Variants in AFF2 observed in about 807,000 individuals in gnomAD.
The protein encoded by AFF2 is ALF transcription elongation factor 2.
A neutral mutation model predicts 76.9 loss-of-function variants in AFF2; 14 were observed. The ratio of observed to expected loss-of-function variants is 0.18; its 90% CI spans 0.12 to 0.28. The LOEUF is 0.28. AFF2 is among the 10% of genes least tolerant of loss of function. The probability of loss-of-function intolerance (pLI) is 1.00; values close to 1 mark genes in which losing one functional copy is unlikely to be tolerated. For missense variants in AFF2, 868 were observed against 1,001.1 expected, an observed-to-expected ratio of 0.87 and a Z score of 1.79; for synonymous variants, 398 against 366.7, an observed-to-expected ratio of 1.09 and a Z score of -0.98.
chrX:148,662,845 C>T (rs1304054227), intron 3 of AFF2, 77 bp downstream of exon 3: 1 of 1,042,594 alleles, frequency 9.6e-7, no homozygotes, highest in Non-Finnish European at 1.3e-6. Flanking sequence ...CCAGTATTCA[C>T]AAGCAGCTCT....
intron 8 of AFF2, among the ~76,000 whole-genome samples, chrX:148,887,771 A>C (rs1214022187): frequency 9.0e-6 from 1 of 111,559 alleles, no homozygotes; most frequent in African/African-American, 3.3e-5. Flanking sequence ...TAGGGGCTCT[A>C]AGGTGAGGCA....
chrX:148,949,306 C>A, intron 9 of AFF2, among the ~76,000 whole-genome samples: 1 of 111,346 alleles, frequency 9.0e-6, no homozygotes, highest in Non-Finnish European at 1.9e-5. Context: ...CCCAGACTAT[C>A]TCTTAAAGCC....
At chrX:148,966,266 A>G (rs1208364435) in intron 13 of AFF2, among the ~76,000 whole-genome samples, 2 of 111,265 alleles carry the variant, frequency 1.8e-5, no homozygotes, top group Non-Finnish European at 3.8e-5. Flanking sequence ...TTAGAGTACA[A>G]TTTCCTAGTA....
intron 3 of AFF2, among the ~76,000 whole-genome samples, chrX:148,762,961 C>T (rs1327408634): frequency 8.9e-6 from 1 of 112,334 alleles, no homozygotes; most frequent in African/African-American, 3.2e-5. Flanking sequence ...CACGAGGTCA[C>T]TGATCTTACA....
At chrX:148,556,806 G>A (rs782681237) in intron 1 of AFF2, among the ~76,000 whole-genome samples, 1 of 112,059 alleles carries the variant, frequency 8.9e-6, no homozygotes, top group South Asian at 3.7e-4. Flanking sequence ...GGGCCCTTAG[G>A]GAGGCACCAT....
chrX:148,772,320 A>G (rs1490917128), intron 3 of AFF2, among the ~76,000 whole-genome samples: 3 of 112,023 alleles, frequency 2.7e-5, no homozygotes, highest in African/African-American at 9.7e-5. Flanking sequence ...TTGATTTCTC[A>G]TCCTTTATGC....
chrX:148,854,365 A>G (rs2070764049), intron 7 of AFF2, among the ~76,000 whole-genome samples: 2 of 111,554 alleles, frequency 1.8e-5, no homozygotes, highest in South Asian at 3.9e-4. Context: ...TGTTTTCTGC[A>G]TGAGATTTAA....
chrX:148,786,832 C>T (rs368119017), intron 3 of AFF2, among the ~76,000 whole-genome samples: 11 of 111,339 alleles, frequency 9.9e-5, no homozygotes, highest in African/African-American at 3.6e-4. Context: ...CAGTACAGTG[C>T]CTGGACTATA....
chrX:148,547,972 T>C (rs1236205623), intron 1 of AFF2, among the ~76,000 whole-genome samples: 1 of 112,200 alleles, frequency 8.9e-6, no homozygotes, highest in Non-Finnish European at 1.9e-5. Context: ...CCACTGCTCA[T>C]ACCGCTAAGC....
intron 9 of AFF2, among the ~76,000 whole-genome samples, chrX:148,939,493 A>G (rs1160945281): frequency 1.8e-5 from 2 of 112,222 alleles, no homozygotes; most frequent in Admixed American, 1.9e-4. Context: ...GCATATGTGT[A>G]TGCTAGTAAT....
intron 2 of AFF2, among the ~76,000 whole-genome samples, chrX:148,661,066 A>G (rs2054299554): frequency 8.9e-6 from 1 of 112,473 alleles, no homozygotes; most frequent in African/African-American, 3.2e-5. Flanking sequence ...TTGTCCATAA[A>G]ATGAGTTGGT....
chrX:148,682,472 G>A (rs782509238), intron 3 of AFF2, among the ~76,000 whole-genome samples: 4 of 111,415 alleles, frequency 3.6e-5, no homozygotes, highest in Non-Finnish European at 5.7e-5. Flanking sequence ...AGACCAGCCC[G>A]CTTCTGGGAA....
intron 4 of AFF2, among the ~76,000 whole-genome samples, chrX:148,832,296 G>T (rs2070464459): frequency 8.9e-6 from 1 of 112,318 alleles, no homozygotes; most frequent in African/African-American, 3.2e-5. Flanking sequence ...ATTTACTTCT[G>T]ATTTCCTGTG....
rs143425027 is a variant in AFF2 at position 148,514,390 on chromosome X, G to A, written c.47+13246G>A. Among the ~76,000 whole-genome samples, 597 of 112,722 alleles carry A rather than the reference G, an allele frequency of 5.3e-3. 1 individual carries two copies. The highest frequency in any genetic ancestry group is 8.5e-3 in the Non-Finnish European group (455 of 53,307). On this transcript the variant is annotated intron_variant, in intron 1 of 20. Transcript: ENST00000370460. The stretch of plus-strand genomic sequence containing the variant: ...TTGTGAATTTGGGCCTTCCACTGTA[G>A]GATGTGTAGGGTGGTCAGTCATGAA...
intron 3 of AFF2, among the ~76,000 whole-genome samples, chrX:148,694,380 T>C (rs150189463): frequency 2.1e-3 from 233 of 111,818 alleles, no homozygotes; most frequent in Middle Eastern, 4.6e-3. Flanking sequence ...GACCAACTTA[T>C]TGATGATGCC....
At chrX:148,691,792 A>G (rs2054653654) in intron 3 of AFF2, among the ~76,000 whole-genome samples, 1 of 111,550 alleles carries the variant, frequency 9.0e-6, no homozygotes, top group African/African-American at 3.3e-5. Context: ...GAAGCTGGCT[A>G]ATAGTGATGG....
rs2054884843 is a variant in AFF2 at position 148,706,405 on chromosome X, AGCATCAC to A, written c.1041+43638_1041+43644del. ...GGGTTCTCCCACCATTGAATCCACC[AGCATCAC>A]TATTGCCAAAAAGCTATCTGCCGTG... On this transcript the variant is annotated intron_variant, in intron 3 of 20. Transcript: ENST00000370460. 5.3e-5 allele frequency among the ~76,000 whole-genome samples: 6 copies of A among 112,511 alleles called. No homozygotes were observed. In the South Asian group the frequency reaches 2.2e-3, roughly 41 times the overall value.
At chrX:148,864,099 A>G (rs1256734561) in intron 7 of AFF2, among the ~76,000 whole-genome samples, 4 of 111,732 alleles carry the variant, frequency 3.6e-5, no homozygotes, top group African/African-American at 1.3e-4. Context: ...GCAAGTCGTC[A>G]TCATTTGGTG....
At chrX:148,946,590 G>T (rs2071903275) in intron 9 of AFF2, among the ~76,000 whole-genome samples, 1 of 112,730 alleles carries the variant, frequency 8.9e-6, no homozygotes, top group Non-Finnish European at 1.9e-5. Flanking sequence ...CTTTCTGAAG[G>T]TTCTAAGGAA....
Sources: allele counts gnomAD v4.1 joint callset (sites outside exome capture counted in the v4.1 genomes callset), GRCh38; gene constraint gnomAD v4.1.1; transcripts MANE v1.5; gene names NCBI Gene and HGNC (gene_info 2026-07-23, HGNC 2026-07-21).